The following EXOC4 variants were observed in gnomAD, a reference collection of about 807,000 sequenced individuals.
EXOC4 encodes the protein SEC8-like 1.
A neutral mutation model predicts 107.2 loss-of-function variants in EXOC4; 71 were observed. The ratio of observed to expected loss-of-function variants is 0.66; its 90% CI spans 0.55 to 0.81. EXOC4 has a LOEUF of 0.81. EXOC4 is among the 30% of genes least tolerant of loss of function. The pLI is 0.00. For missense variants in EXOC4, 1,108 were observed against 1,189.6 expected, an observed-to-expected ratio of 0.93 and a Z score of 1.01; for synonymous variants, 456 against 441.2, an observed-to-expected ratio of 1.03 and a Z score of -0.42.
At chr7:133,823,030 C>T (rs1371579443) in intron 11 of EXOC4, among the ~76,000 whole-genome samples, 1 of 152,228 alleles carries the variant, frequency 6.6e-6, no homozygotes, top group Non-Finnish European at 1.5e-5. Context: ...CCTACATTTT[C>T]TGGCTCATGC....
chr7:133,844,642 C>T (rs553064193), intron 11 of EXOC4, among the ~76,000 whole-genome samples: 2 of 152,078 alleles, frequency 1.3e-5, no homozygotes, highest in South Asian at 4.2e-4. Context: ...CCTGCCTCGG[C>T]CTCACAAAGC....
In EXOC4 at chr7:133,883,067, G is replaced by A. The variant is rs116015365; in HGVS notation, c.1735-12532G>A. Among the ~76,000 whole-genome samples, 365 of 152,184 alleles carry A rather than the reference G, an allele frequency of 2.4e-3. 5 individuals are homozygous for A. Among genetic ancestry groups the A allele is most frequent in the African/African-American group, 8.2e-3 (341 of 41,534 alleles). Reference sequence around the variant, plus strand: ...CCTTCCCAGTCAATACCCTCTCTAAGGGTAGCCACTATTCTGACTTCTATC... The same window carrying A: ...CCTTCCCAGTCAATACCCTCTCTAAAGGTAGCCACTATTCTGACTTCTATC... On this transcript the variant is annotated intron_variant, in intron 11 of 17. Transcript: ENST00000253861.
intron 9 of EXOC4, among the ~76,000 whole-genome samples, chr7:133,543,252 C>T (rs1159408904): frequency 2.6e-5 from 4 of 152,058 alleles, no homozygotes; most frequent in Admixed American, 1.3e-4. Flanking sequence ...CTAAGGTTTT[C>T]CCCTAAGGCA....
At chr7:133,427,961 A>G (rs886686006) in intron 7 of EXOC4, among the ~76,000 whole-genome samples, 5 of 152,178 alleles carry the variant, frequency 3.3e-5, no homozygotes, top group African/African-American at 1.2e-4. Context: ...AGACATAACT[A>G]CCTTGTGTTT....
intron 14 of EXOC4, among the ~76,000 whole-genome samples, chr7:133,994,672 A>G (rs1347523358): frequency 6.6e-6 from 1 of 152,118 alleles, no homozygotes; most frequent in Non-Finnish European, 1.5e-5. Context: ...TTTAAAGCCC[A>G]ATACGCGTGG....
At chr7:133,261,785 C>G (rs966393098) in intron 1 of EXOC4, among the ~76,000 whole-genome samples, 3 of 152,114 alleles carry the variant, frequency 2.0e-5, no homozygotes, top group Non-Finnish European at 2.9e-5. Context: ...ACTCAGTACC[C>G]TAAGAATTAT....
chr7:133,538,062 T>C (rs578030212), intron 9 of EXOC4, among the ~76,000 whole-genome samples: 1 of 152,296 alleles, frequency 6.6e-6, no homozygotes, highest in South Asian at 2.1e-4. Context: ...ATTTTAAAGA[T>C]GAGGCAATTG....
chr7:133,445,125 A>T (rs892850301), intron 7 of EXOC4, among the ~76,000 whole-genome samples: 1 of 152,132 alleles, frequency 6.6e-6, no homozygotes, highest in Non-Finnish European at 1.5e-5. Flanking sequence ...TGGCTAAAAG[A>T]CAGCAATTCT....
At chr7:133,624,986 A>G (rs1211862786) in intron 9 of EXOC4, among the ~76,000 whole-genome samples, 1 of 152,074 alleles carries the variant, frequency 6.6e-6, no homozygotes, top group Non-Finnish European at 1.5e-5. Flanking sequence ...AAAAATTAAG[A>G]CTAGAGAAAG....
intron 10 of EXOC4, among the ~76,000 whole-genome samples, chr7:133,790,950 CG>C (rs1391557726): frequency 2.0e-5 from 3 of 152,144 alleles, no homozygotes; most frequent in Non-Finnish European, 4.4e-5. Context: ...TACATTACAT[CG>C]ATTGAATTGT....
intron 17 of EXOC4, among the ~76,000 whole-genome samples, chr7:134,059,942 G>T (rs974033762): frequency 2.0e-5 from 3 of 152,240 alleles, no homozygotes; most frequent in Non-Finnish European, 4.4e-5. Context: ...AAAATACCCT[G>T]TATTTCCTTC....
chr7:133,484,129 C>A lies in EXOC4; in HGVS notation c.1417+3991C>A, dbSNP rs10241135. 798 of 1,609,866 alleles carry A rather than the reference C, an allele frequency of 5.0e-4. 6 individuals carry two copies. In the African/African-American group the frequency reaches 9.1e-3, roughly 18 times the overall value. On this transcript the variant is annotated intron_variant, in intron 9 of 17. Transcript: ENST00000253861. The stretch of plus-strand genomic sequence containing the variant: ...AAAGTTAAGTTCCTGCCAACATTTT[C>A]AATTTATCATACAATTAGAAATGTG...
chr7:133,836,510 T>C (rs1269068844), intron 11 of EXOC4, among the ~76,000 whole-genome samples: 1 of 152,192 alleles, frequency 6.6e-6, no homozygotes, highest in Non-Finnish European at 1.5e-5. Flanking sequence ...AAAATAAATA[T>C]TTTGTTCTGC....
At chr7:133,375,654 A>G (rs1373850910) in intron 7 of EXOC4, among the ~76,000 whole-genome samples, 4 of 152,232 alleles carry the variant, frequency 2.6e-5, no homozygotes, top group African/African-American at 4.8e-5. Context: ...AAACATGTAC[A>G]TAGCTTAATT....
chr7:133,919,525 C>T (rs1799890738), intron 13 of EXOC4, among the ~76,000 whole-genome samples: 2 of 152,098 alleles, frequency 1.3e-5, no homozygotes, highest in Admixed American at 6.6e-5. Context: ...TGTGTTCCTC[C>T]TATTCATCCC....
chr7:133,508,930 G>A (rs543931749), intron 9 of EXOC4, among the ~76,000 whole-genome samples: 34 of 152,318 alleles, frequency 2.2e-4, no homozygotes, highest in Admixed American at 2.0e-3. Context: ...GTACGTTACT[G>A]TTGAGTTTTT....
At position 133,328,042 on chromosome 7, in the gene EXOC4, A is replaced by G. The variant is rs1295013817; in HGVS notation, c.763+10652A>G. Among the ~76,000 whole-genome samples the G allele has an allele frequency of 2.6e-5, 4 of 152,160 alleles. No homozygotes were observed. The East Asian group carries it at 7.7e-4, about 29-fold the overall frequency. On this transcript the variant is annotated intron_variant, in intron 5 of 17. Coordinates refer to ENST00000253861, the MANE Select transcript of EXOC4 (RefSeq NM_021807.4). ...GTCTAATATTTACAGTGGGGTGTTAAAAAGTCTCCAACTATTATTGTGTGG... is the reference window on the plus strand; with the variant it reads ...GTCTAATATTTACAGTGGGGTGTTAGAAAGTCTCCAACTATTATTGTGTGG...
At chr7:133,326,149 G>C (rs1584814122) in intron 5 of EXOC4, among the ~76,000 whole-genome samples, 1 of 152,202 alleles carries the variant, frequency 6.6e-6, no homozygotes, top group East Asian at 1.9e-4. Context: ...TCTTTGCAAT[G>C]GGTTCGAACT....
chr7:133,298,101 G>A (rs187864879), intron 3 of EXOC4, among the ~76,000 whole-genome samples: 1 of 152,292 alleles, frequency 6.6e-6, no homozygotes, highest in East Asian at 1.9e-4. Context: ...AGTAGCTTTT[G>A]CTTGGCTTGA....
Sources: gnomAD v4.1 joint callset for allele counts (sites outside exome capture counted in the v4.1 genomes callset) on GRCh38, gnomAD v4.1.1 for gene constraint, MANE v1.5 for transcripts, NCBI Gene and HGNC (gene_info 2026-07-23, HGNC 2026-07-21) for gene names.